Variants in ATRNL1 observed in about 807,000 individuals in gnomAD.
The protein encoded by ATRNL1 is attractin like 1.
Under a neutral mutation model 182.7 loss-of-function variants are expected in ATRNL1, and 95 were observed. The observed-to-expected ratio is 0.52, with a 90% CI of 0.44 to 0.62. The LOEUF (loss-of-function observed/expected upper bound fraction) is 0.62, where lower values mean the gene tolerates loss of function less well. Among genes scored for constraint, ATRNL1 ranks in the 20% least tolerant of loss-of-function variants. The pLI is 0.00. For missense variants in ATRNL1, 1,471 were observed against 1,679.5 expected (o/e 0.88, Z 2.17); for synonymous variants, 576 against 568.3 (o/e 1.01, Z -0.19).
chr10:115,596,247 A>G (rs1050055479), intron 26 of ATRNL1, among the ~76,000 whole-genome samples: 1 of 152,054 alleles, frequency 6.6e-6, no homozygotes, highest in African/African-American at 2.4e-5. Flanking sequence ...CTGGGATTAC[A>G]GGCACCTGCC....
At chr10:115,334,176 T>C (rs1592471035) in intron 18 of ATRNL1, 106 bp from the exon 19 acceptor site, 2 of 682,866 alleles carry the variant, frequency 2.9e-6, no homozygotes, top group Non-Finnish European at 2.2e-6. Flanking sequence ...AGATGCTCTT[T>C]GGGCACTTTT....
rs148579651 is a variant in ATRNL1, at chr10:115,277,254, A to G, written c.2101-4101A>G. Among the ~76,000 whole-genome samples the G allele has an allele frequency of 3.7e-4, 57 of 152,238 alleles. No individual in the cohort carries two copies. In the East Asian group the frequency reaches 0.011, roughly 29 times the overall value. ...AATGATTTCAAATTTACAAAAATGT[A>G]TCTTCTGTAATTTTTTAGGATGAAT... On this transcript the variant is annotated intron_variant, in intron 13 of 28. Transcript: ENST00000355044.
intron 28 of ATRNL1, among the ~76,000 whole-genome samples, chr10:115,884,202 C>CA (rs1555109262): frequency 6.6e-6 from 1 of 152,090 alleles, no homozygotes; most frequent in Non-Finnish European, 1.5e-5. Context: ...ATATCTGGCC[C>CA]AATATTTCTT....
intron 28 of ATRNL1, among the ~76,000 whole-genome samples, chr10:115,906,831 A>G (rs1555114661): frequency 6.6e-6 from 1 of 152,178 alleles, no homozygotes; most frequent in Admixed American, 6.5e-5. Flanking sequence ...TTTTTAAAAA[A>G]AAATCAGAAA....
At chr10:115,749,571 ATAT>A (rs1948389803) in intron 27 of ATRNL1, among the ~76,000 whole-genome samples, 1 of 151,926 alleles carries the variant, frequency 6.6e-6, no homozygotes, top group Non-Finnish European at 1.5e-5. Flanking sequence ...CATGTAATTA[ATAT>A]TATTATCCTC....
chr10:115,357,570 C>G (rs1294888177), intron 19 of ATRNL1, among the ~76,000 whole-genome samples: 1 of 151,596 alleles, frequency 6.6e-6, no homozygotes, highest in Non-Finnish European at 1.5e-5. Flanking sequence ...GAAGAAGTGC[C>G]TTTCTCTCAA....
At chr10:115,426,832 C>A (rs1845923676) in intron 21 of ATRNL1, among the ~76,000 whole-genome samples, 1 of 152,178 alleles carries the variant, frequency 6.6e-6, no homozygotes, top group Admixed American at 6.5e-5. Context: ...TCAAGTGATT[C>A]TCCAGCCTCA....
intron 19 of ATRNL1, among the ~76,000 whole-genome samples, chr10:115,335,174 A>C (rs530778263): frequency 3.3e-5 from 5 of 152,258 alleles, no homozygotes; most frequent in African/African-American, 1.2e-4. Context: ...TTTAAATATA[A>C]TTTCCTTTTA....
chr10:115,901,973 G>A (rs188185639), intron 28 of ATRNL1, among the ~76,000 whole-genome samples: 66 of 152,204 alleles, frequency 4.3e-4, no homozygotes, highest in Non-Finnish European at 7.9e-4. Flanking sequence ...CTTATAGGGC[G>A]CAAAATGTAA....
rs190159465 is a variant in ATRNL1, at chr10:115,252,217, G to A, written c.1687+10492G>A. ...AATTTTTTGTACTTTTAGTAGAGAC[G>A]GGGGTTTCACTATGTTGGCCAGGCT... On this transcript the variant is annotated intron_variant, in intron 10 of 28. Coordinates refer to ENST00000355044, the MANE Select transcript of ATRNL1 (RefSeq NM_207303.4). Among the ~76,000 whole-genome samples, 109 of 152,126 alleles carry A rather than the reference G, an allele frequency of 7.2e-4. 2 individuals are homozygous for A. In the South Asian group the frequency reaches 0.021, roughly 30 times the overall value.
intron 26 of ATRNL1, among the ~76,000 whole-genome samples, chr10:115,593,594 C>T (rs147146738): frequency 6.6e-6 from 1 of 152,296 alleles, no homozygotes; most frequent in Non-Finnish European, 1.5e-5. Flanking sequence ...CAAATGCCTA[C>T]ACTTATATGT....
chr10:115,362,685 C>T lies in ATRNL1; in HGVS notation c.3175+28266C>T, dbSNP rs1222195818. Among the ~76,000 whole-genome samples the T allele has an allele frequency of 2.0e-5, 3 of 152,010 alleles. No individual in the cohort carries two copies. The South Asian group carries it at 6.2e-4, about 32-fold the overall frequency. On this transcript the variant is annotated intron_variant, in intron 19 of 28. Transcript: ENST00000355044. ...TCCCTCCCACCTCCTCCCACCCCAC[C>T]ACAGTCCCCAGAGTGTGATATTCCC...
chr10:115,453,355 CTT>C (rs1554968040), intron 21 of ATRNL1, among the ~76,000 whole-genome samples: 1 of 152,044 alleles, frequency 6.6e-6, no homozygotes, highest in Admixed American at 6.6e-5. Context: ...TATTCAGTCT[CTT>C]TGCCCAGTTT....
rs140905542 is a variant in ATRNL1 at position 115,236,585 on chromosome 10, A to G, written c.1533-4986A>G. ...TTTGTTTGTTTGTTTTGTTTTTTTA[A>G]CAATAAACTCTATGTTTTAGAGCAG... On this transcript the variant is annotated intron_variant, in intron 9 of 28. Coordinates refer to ENST00000355044, the MANE Select transcript of ATRNL1 (RefSeq NM_207303.4). Among the ~76,000 whole-genome samples, 408 of 152,280 alleles carry G rather than the reference A, an allele frequency of 2.7e-3. 3 individuals carry two copies. The highest frequency in any genetic ancestry group is 9.4e-3 in the African/African-American group (390 of 41,544).
intron 28 of ATRNL1, among the ~76,000 whole-genome samples, chr10:115,923,052 T>G (rs1490811553): frequency 1.3e-5 from 2 of 152,168 alleles, no homozygotes; most frequent in African/African-American, 2.4e-5. Flanking sequence ...GATTTTTAAT[T>G]TTTAAAAGAT....
At chr10:115,331,933 C>A (rs1463652212) in intron 18 of ATRNL1, among the ~76,000 whole-genome samples, 1 of 152,126 alleles carries the variant, frequency 6.6e-6, no homozygotes, top group Non-Finnish European at 1.5e-5. Flanking sequence ...GACATTGTGG[C>A]ACTCATAAAC....
At chr10:115,175,850 T>C (rs1198704182) in intron 8 of ATRNL1, among the ~76,000 whole-genome samples, 6 of 152,112 alleles carry the variant, frequency 3.9e-5, no homozygotes, top group Non-Finnish European at 8.8e-5. Flanking sequence ...GTAAATGTAG[T>C]TTAAAGATGC....
intron 24 of ATRNL1, among the ~76,000 whole-genome samples, chr10:115,505,862 C>T (rs1850086845): frequency 6.6e-6 from 1 of 151,478 alleles, no homozygotes; most frequent in Non-Finnish European, 1.5e-5. Flanking sequence ...TATCATATTT[C>T]AGCTAGGAGA....
Position 115,093,450 on chromosome 10 carries a change from A to C in ATRNL1, c.-301A>C. On this transcript the variant is annotated 5_prime_UTR_variant, in exon 1 of 29. Transcript: ENST00000355044. The surrounding 1 kb of genome is among the most constrained non-coding windows in gnomAD (Gnocchi z 6.1). ...AGGTCCCCTCAGGAGCGCCGGGCGC[A>C]GTCTGCGCCTCCCGCTCCCCGCCTC... 1 of 510,158 alleles carries C rather than the reference A, an allele frequency of 2.0e-6. No individual in the cohort carries two copies. Among genetic ancestry groups the C allele is most frequent in the South Asian group, 1.8e-5 (1 of 55,128 alleles). The allele number at this position is 510,158 out of a possible 1,614,324, so 31.6% of individuals were successfully genotyped here. A position where few individuals can be genotyped will look rare whatever the true frequency, so the allele number is the denominator to read the frequency against.
Sources: allele counts gnomAD v4.1 joint callset (sites outside exome capture counted in the v4.1 genomes callset), GRCh38; gene constraint gnomAD v4.1.1; non-coding constraint Gnocchi (gnomAD v3.1); transcripts MANE v1.5; gene names NCBI Gene and HGNC (gene_info 2026-07-23, HGNC 2026-07-21).